Variants in SH3RF3 observed in about 807,000 individuals in gnomAD.
The protein encoded by SH3RF3 is SH3 domain containing ring finger 3.
Under a neutral mutation model 66.3 loss-of-function variants are expected in SH3RF3, and 29 were observed. The observed-to-expected ratio is 0.44, with a 90% CI of 0.33 to 0.60. The LOEUF is 0.60. SH3RF3 is among the 20% of genes least tolerant of loss of function. SH3RF3 has a pLI of 0.04. For missense variants in SH3RF3, 1,194 were observed against 1,190.9 expected, an observed-to-expected ratio of 1.00 and a Z score of -0.04; for synonymous variants, 583 against 532.0, an observed-to-expected ratio of 1.10 and a Z score of -1.32.
chr2:109,394,145 ACT>A (rs1249410965), intron 3 of SH3RF3, among the ~76,000 whole-genome samples: 3 of 152,054 alleles, frequency 2.0e-5, no homozygotes, highest in African/African-American at 7.2e-5. Flanking sequence ...GATGGAAGAA[ACT>A]CTTCAGTTTT....
chr2:109,392,258 C>T (rs972382428), intron 3 of SH3RF3, among the ~76,000 whole-genome samples: 2 of 152,192 alleles, frequency 1.3e-5, no homozygotes, highest in African/African-American at 4.8e-5. Context: ...AGGGCCTCCT[C>T]GTACTCTGCA....
At chr2:109,496,055 G>A (rs1428682205) in intron 9 of SH3RF3, among the ~76,000 whole-genome samples, 3 of 152,192 alleles carry the variant, frequency 2.0e-5, no homozygotes, top group African/African-American at 7.2e-5. Flanking sequence ...GGACCCACCG[G>A]GTTGCCCTGG....
chr2:109,341,014 C>T (rs1195860855), intron 1 of SH3RF3, among the ~76,000 whole-genome samples: 1 of 152,264 alleles, frequency 6.6e-6, no homozygotes, highest in Non-Finnish European at 1.5e-5. Flanking sequence ...TGCATCCACG[C>T]AACAGCTTAG....
chr2:109,286,492 T>A (rs746843070), intron 1 of SH3RF3, among the ~76,000 whole-genome samples: 31 of 152,130 alleles, frequency 2.0e-4, no homozygotes, highest in Non-Finnish European at 3.5e-4. Context: ...CACAAGGCCA[T>A]CTATGCTTAT....
At chr2:109,209,486 G>A (rs1222769982) in intron 1 of SH3RF3, among the ~76,000 whole-genome samples, 2 of 152,168 alleles carry the variant, frequency 1.3e-5, no homozygotes, top group Non-Finnish European at 2.9e-5. Context: ...ACACTCCTGA[G>A]CTGGGAGAGC....
chr2:109,295,720 A>T (rs1681291390), intron 1 of SH3RF3, among the ~76,000 whole-genome samples: 1 of 151,750 alleles, frequency 6.6e-6, no homozygotes, highest in Admixed American at 6.6e-5. Flanking sequence ...AGGGAGGGGG[A>T]GGTTTACCTG....
intron 1 of SH3RF3, among the ~76,000 whole-genome samples, chr2:109,191,557 C>T (rs1039948777): frequency 5.3e-5 from 8 of 152,216 alleles, no homozygotes; most frequent in Non-Finnish European, 8.8e-5. Flanking sequence ...AGGCTTGACG[C>T]TGCCTCCCAC....
intron 1 of SH3RF3, among the ~76,000 whole-genome samples, chr2:109,277,421 T>C (rs1265187549): frequency 6.6e-6 from 1 of 152,230 alleles, no homozygotes; most frequent in African/African-American, 2.4e-5. Context: ...TCTCAATTAC[T>C]ACGACTGTAT....
Position 109,129,323 on chromosome 2 carries a change from G to A in SH3RF3, c.-218G>A, listed in dbSNP as rs1374803078. 5.5e-6 allele frequency: 4 copies of A among 726,932 alleles called. No individual in the cohort carries two copies. The highest frequency in any genetic ancestry group is 2.5e-5 in the Admixed American group (1 of 40,782). 45.0% of individuals were successfully genotyped at this position (726,932 alleles called of 1,614,324 possible). On this transcript the variant is annotated 5_prime_UTR_variant, in exon 1 of 10. Coordinates refer to ENST00000309415, the MANE Select transcript of SH3RF3 (RefSeq NM_001099289.3). The stretch of plus-strand genomic sequence containing the variant: ...GCTGCGCTCAGGACTGGGCGGGCTC[G>A]GCTGGCCGGTCCCCGCCACGCAGGC...
chr2:109,325,278 C>T (rs1271324527), intron 1 of SH3RF3, among the ~76,000 whole-genome samples: 2 of 151,380 alleles, frequency 1.3e-5, no homozygotes, highest in African/African-American at 4.9e-5. Context: ...CGTAGAATCC[C>T]AGGAGTCATT....
chr2:109,153,891 G>T (rs1364161294), intron 1 of SH3RF3, among the ~76,000 whole-genome samples: 2 of 152,184 alleles, frequency 1.3e-5, no homozygotes, highest in Non-Finnish European at 2.9e-5. Context: ...GTCGGGACTT[G>T]CTACACCAGT....
At chr2:109,474,007 A>C (rs1483420408) in intron 8 of SH3RF3, among the ~76,000 whole-genome samples, 1 of 152,152 alleles carries the variant, frequency 6.6e-6, no homozygotes, top group Non-Finnish European at 1.5e-5. Context: ...AGGTTATGAC[A>C]GGGGCTTTGA....
chr2:109,176,581 T>C (rs952280601), intron 1 of SH3RF3, among the ~76,000 whole-genome samples: 1 of 152,032 alleles, frequency 6.6e-6, no homozygotes, highest in African/African-American at 2.4e-5. Flanking sequence ...AAAATTAAAA[T>C]AAAAAATTAG....
intron 1 of SH3RF3, among the ~76,000 whole-genome samples, chr2:109,224,350 G>A (rs192823062): frequency 6.6e-5 from 10 of 152,296 alleles, no homozygotes; most frequent in African/African-American, 2.2e-4. Flanking sequence ...TTTCAGATAC[G>A]CATGTGGGAT....
chr2:109,471,179 C>CT (rs1162651178), intron 8 of SH3RF3, among the ~76,000 whole-genome samples: 1 of 142,664 alleles, frequency 7.0e-6, no homozygotes, highest in Non-Finnish European at 1.5e-5. Context: ...TGCCATTGCA[C>CT]TCCAGCCTGG....
chr2:109,182,690 G>A (rs148087147), intron 1 of SH3RF3, among the ~76,000 whole-genome samples: 452 of 152,164 alleles, frequency 3.0e-3, no homozygotes, highest in Non-Finnish European at 3.3e-3. Flanking sequence ...AGGCTAGGCT[G>A]GTATTTCCTT....
At chr2:109,247,837 G>A (rs901622603) in intron 1 of SH3RF3, among the ~76,000 whole-genome samples, 1 of 152,218 alleles carries the variant, frequency 6.6e-6, no homozygotes, top group Non-Finnish European at 1.5e-5. Flanking sequence ...AGGATGGCCT[G>A]GGTTCCTCTC....
At chr2:109,173,512 G>A (rs1574487166) in intron 1 of SH3RF3, among the ~76,000 whole-genome samples, 1 of 152,306 alleles carries the variant, frequency 6.6e-6, no homozygotes, top group South Asian at 2.1e-4. Flanking sequence ...CACACTGCCT[G>A]CAGGCTATGT....
At chr2:109,167,634 C>T (rs755493389) in intron 1 of SH3RF3, among the ~76,000 whole-genome samples, 5 of 152,180 alleles carry the variant, frequency 3.3e-5, no homozygotes, top group South Asian at 2.1e-4. Context: ...TGCAGCGGCA[C>T]GATCTCGGCT....
Sources: gnomAD v4.1 joint callset for allele counts (sites outside exome capture counted in the v4.1 genomes callset) on GRCh38, gnomAD v4.1.1 for gene constraint, MANE v1.5 for transcripts, NCBI Gene and HGNC (gene_info 2026-07-23, HGNC 2026-07-21) for gene names.